Variants in SYT16 observed in about 807,000 individuals in gnomAD.
The protein encoded by SYT16 is synaptotagmin-16.
Under a neutral mutation model 61.4 loss-of-function variants are expected in SYT16, and 42 were observed. The ratio of observed to expected loss-of-function variants is 0.68; its 90% CI spans 0.53 to 0.89. The LOEUF is 0.89. Ranked by LOEUF, SYT16 falls within the 40% of genes least tolerant of loss-of-function variation. The pLI is 0.00. For synonymous variants in SYT16, 314 were observed against 302.3 expected (o/e 1.04, Z -0.40); for missense variants, 804 against 807.3 (o/e 1.00, Z 0.05).
intron 3 of SYT16, among the ~76,000 whole-genome samples, chr14:62,004,502 G>A (rs1320306469): frequency 9.2e-5 from 14 of 152,088 alleles, no homozygotes; most frequent in Non-Finnish European, 1.5e-5. Flanking sequence ...TCTTAATCAA[G>A]GGTAGCACCC....
intron 1 of SYT16, among the ~76,000 whole-genome samples, chr14:61,890,474 T>C (rs987245332): frequency 6.9e-6 from 1 of 145,806 alleles, no homozygotes; most frequent in African/African-American, 2.6e-5. Flanking sequence ...GTCTTAAATA[T>C]AGTCAAGAAT....
chr14:61,883,364 A>G (rs970106512), intron 1 of SYT16, among the ~76,000 whole-genome samples: 14 of 152,174 alleles, frequency 9.2e-5, no homozygotes, highest in Admixed American at 9.2e-4. Flanking sequence ...ATTCTACCAG[A>G]TACCCACTAT....
At position 62,107,092 on chromosome 14, in the gene SYT16, C is replaced by T. The variant is rs2057527423; in HGVS notation, c.*6385C>T. On this transcript the variant is annotated 3_prime_UTR_variant, in exon 8 of 8. Transcript: ENST00000683842. ...TTACGTCATTTCCCCCTTGAAGTAT[C>T]TAGTTGCTGGGGTTTTGTTTGTTTT... 1 of 145,200 alleles carries T rather than the reference C, an allele frequency of 6.9e-6. No individual in the cohort carries two copies. The highest frequency in any genetic ancestry group is 2.6e-5 in the African/African-American group (1 of 39,086). 9.0% of individuals were successfully genotyped at this position (145,200 alleles called of 1,614,324 possible).
At chr14:61,946,347 A>G (rs1271679559) in intron 1 of SYT16, among the ~76,000 whole-genome samples, 1 of 152,202 alleles carries the variant, frequency 6.6e-6, no homozygotes, top group Non-Finnish European at 1.5e-5. Context: ...ATAAGTACAC[A>G]TGGATATGCG....
At chr14:61,907,330 T>C (rs1043574795) in intron 1 of SYT16, among the ~76,000 whole-genome samples, 1 of 152,238 alleles carries the variant, frequency 6.6e-6, no homozygotes, top group Non-Finnish European at 1.5e-5. Flanking sequence ...TTATTACCAA[T>C]GAAAATGTAC....
chr14:61,853,401 C>T (rs1395897660), intron 1 of SYT16, among the ~76,000 whole-genome samples: 1 of 152,152 alleles, frequency 6.6e-6, no homozygotes, highest in Non-Finnish European at 1.5e-5. Context: ...GTTTGTGTCT[C>T]CCCAAGTACA....
At chr14:61,824,878 G>A (rs1255285273) in intron 1 of SYT16, among the ~76,000 whole-genome samples, 1 of 152,064 alleles carries the variant, frequency 6.6e-6, no homozygotes, top group African/African-American at 2.4e-5. Context: ...ATTTGCAGAG[G>A]GGGCATGAGG....
Position 61,947,267 on chromosome 14 carries a change from C to CATGT in SYT16, c.-324-22865_-324-22864insATGT, listed in dbSNP as rs71449570. The stretch of plus-strand genomic sequence containing the variant: ...CTTTTGGCCTCTGACTTTAGTCCTT[C>CATGT]GTGTGTGTGTGTGTGTGTGTGTGTG... On this transcript the variant is annotated intron_variant, in intron 1 of 7. Transcript: ENST00000683842. Among the ~76,000 whole-genome samples the CATGT allele has an allele frequency of 3.2e-5, 4 of 125,916 alleles. No individual in the cohort carries two copies. In the East Asian group the frequency reaches 7.1e-4, roughly 22 times the overall value. 82.6% of individuals were successfully genotyped at this position (125,916 alleles called of 152,430 possible).
chr14:61,875,460 G>A (rs2047457413), intron 1 of SYT16, among the ~76,000 whole-genome samples: 1 of 152,170 alleles, frequency 6.6e-6, no homozygotes, highest in South Asian at 2.1e-4. Flanking sequence ...AAAACTTCAA[G>A]GATATTATTG....
At chr14:62,000,110 T>TTTTG (rs2052947148) in intron 3 of SYT16, among the ~76,000 whole-genome samples, 2 of 136,276 alleles carry the variant, frequency 1.5e-5, no homozygotes, top group Admixed American at 1.5e-4. Flanking sequence ...TTTTTTTTTT[T>TTTTG]TTTTTTTTTT....
intron 1 of SYT16, among the ~76,000 whole-genome samples, chr14:61,913,119 T>C (rs1033839125): frequency 1.3e-5 from 2 of 152,202 alleles, no homozygotes; most frequent in African/African-American, 4.8e-5. Context: ...TTTATCTCCT[T>C]GCCTAGCCAT....
intron 1 of SYT16, among the ~76,000 whole-genome samples, chr14:61,936,926 C>T (rs902240794): frequency 6.6e-6 from 1 of 152,142 alleles, no homozygotes; most frequent in East Asian, 1.9e-4. Context: ...CCCGTGCATC[C>T]TTGTTTTGTG....
At chr14:62,005,882 C>A (rs2053201664) in intron 3 of SYT16, among the ~76,000 whole-genome samples, 1 of 152,052 alleles carries the variant, frequency 6.6e-6, no homozygotes, top group Admixed American at 6.6e-5. Context: ...GTTTTTAATG[C>A]CCTGGCTCTG....
intron 1 of SYT16, among the ~76,000 whole-genome samples, chr14:61,966,663 TG>T (rs1170500667): frequency 2.6e-5 from 4 of 152,314 alleles, no homozygotes; most frequent in Admixed American, 1.3e-4. Flanking sequence ...GCTGCTTTTA[TG>T]ATGGAAAAAG....
At chr14:62,043,185 G>A (rs151328239) in intron 3 of SYT16, among the ~76,000 whole-genome samples, 94 of 142,790 alleles carry the variant, frequency 6.6e-4, no homozygotes, top group East Asian at 4.1e-3. Context: ...TATTTTTCTC[G>A]TCCTATAGTA....
intron 1 of SYT16, among the ~76,000 whole-genome samples, chr14:61,876,659 G>T (rs755695541): frequency 6.6e-6 from 1 of 152,208 alleles, no homozygotes; most frequent in Non-Finnish European, 1.5e-5. Flanking sequence ...AAGACAGATG[G>T]CGTTCTAGAT....
In SYT16 at chr14:61,950,772, C is replaced by G. The variant is rs536578650; in HGVS notation, c.-324-19360C>G. Among the ~76,000 whole-genome samples the G allele has an allele frequency of 3.3e-5, 5 of 152,226 alleles. No individual in the cohort carries two copies. The South Asian group carries it at 1.0e-3, about 32-fold the overall frequency. Reference sequence around the variant, plus strand: ...TATAATGAAATGAAATTAGCACAGACAGTAAAACAGACAATTTATGGTGTC... The same window carrying G: ...TATAATGAAATGAAATTAGCACAGAGAGTAAAACAGACAATTTATGGTGTC... On this transcript the variant is annotated intron_variant, in intron 1 of 7. Transcript: ENST00000683842.
At chr14:61,999,331 T>C (rs558580918) in intron 3 of SYT16, among the ~76,000 whole-genome samples, 2 of 151,978 alleles carry the variant, frequency 1.3e-5, no homozygotes, top group East Asian at 3.9e-4. Context: ...TTTGTTTTTT[T>C]CTTAAGTGAT....
chr14:62,069,761 A>G lies in SYT16; in HGVS notation c.682A>G (p.Ser228Gly). ...AGGATTGGAGCAGAAACCAAAATTC[A>G]GCCGTTCGTTGTTGACACACGGAGA... ...QTGLEQKPKF[S>G]RSLLTHGEDG... The change falls in exon 4 of 8, where the codon AGC becomes GGC. Residue 228 changes from serine (S) to glycine (G), a missense_variant. Coordinates refer to ENST00000683842, the MANE Select transcript of SYT16 (RefSeq NM_001367656.1). The G allele has an allele frequency of 6.2e-7, 1 of 1,614,064 alleles. No individual in the cohort carries two copies. Among genetic ancestry groups the G allele is most frequent in the Non-Finnish European group, 8.5e-7 (1 of 1,179,894 alleles).
Sources: gnomAD v4.1 joint callset for allele counts (sites outside exome capture counted in the v4.1 genomes callset) on GRCh38, gnomAD v4.1.1 for gene constraint, MANE v1.5 for transcripts, NCBI Gene and HGNC (gene_info 2026-07-23, HGNC 2026-07-21) for gene names.